The following NPAS3 variants were observed in gnomAD, a reference collection of about 807,000 sequenced individuals.
NPAS3 encodes neuronal PAS domain-containing protein 3.
In NPAS3, 14 loss-of-function variants were observed where a neutral mutation model predicts 73.1. The ratio of observed to expected loss-of-function variants is 0.19; its 90% CI spans 0.13 to 0.30. NPAS3 has a LOEUF of 0.30. NPAS3 is among the 10% of genes least tolerant of loss of function. The pLI is 1.00. For missense variants in NPAS3, 1,096 were observed against 1,250.0 expected (o/e 0.88, Z 1.86); for synonymous variants, 620 against 541.5 (o/e 1.14, Z -2.01).
chr14:33,277,329 T>A (rs575351988), intron 3 of NPAS3, among the ~76,000 whole-genome samples: 1 of 152,296 alleles, frequency 6.6e-6, no homozygotes, highest in South Asian at 2.1e-4. Context: ...GGCTACCATA[T>A]GCAGTTCACT....
chr14:33,367,005 A>G (rs2045874196), intron 3 of NPAS3, among the ~76,000 whole-genome samples, 181 bp from the exon 4 acceptor site: 1 of 152,082 alleles, frequency 6.6e-6, no homozygotes, highest in Non-Finnish European at 1.5e-5. Context: ...TAGGTTGAAA[A>G]TTCAACCTAG....
chr14:33,053,886 T>C (rs560923917), intron 1 of NPAS3, among the ~76,000 whole-genome samples: 1 of 152,356 alleles, frequency 6.6e-6, no homozygotes, highest in African/African-American at 2.4e-5. Context: ...CTTTAACTGC[T>C]TCAAATTGTT....
chr14:33,565,954 C>G (rs2055908971), intron 5 of NPAS3, among the ~76,000 whole-genome samples: 1 of 152,004 alleles, frequency 6.6e-6, no homozygotes, highest in East Asian at 1.9e-4. Context: ...CCCTGCCACC[C>G]CAACCAGCAA....
chr14:33,051,687 CAA>C (rs1161558986), intron 1 of NPAS3, among the ~76,000 whole-genome samples: 1 of 152,126 alleles, frequency 6.6e-6, no homozygotes, highest in Non-Finnish European at 1.5e-5. Flanking sequence ...TTCAAACCCT[CAA>C]AGAGGTGAAA....
chr14:33,485,238 A>C (rs2051527155), intron 4 of NPAS3, among the ~76,000 whole-genome samples: 1 of 152,134 alleles, frequency 6.6e-6, no homozygotes, highest in Non-Finnish European at 1.5e-5. Context: ...CCAAATTATC[A>C]CCAAGAATCC....
At chr14:33,727,392 T>C (rs569829677) in intron 6 of NPAS3, among the ~76,000 whole-genome samples, 2 of 152,092 alleles carry the variant, frequency 1.3e-5, no homozygotes, top group East Asian at 3.9e-4. Flanking sequence ...TAGAAAAAAA[T>C]ATATTTGTAG....
chr14:33,298,203 A>T (rs1164587064), intron 3 of NPAS3, among the ~76,000 whole-genome samples: 1 of 152,176 alleles, frequency 6.6e-6, no homozygotes, highest in Non-Finnish European at 1.5e-5. Context: ...GAATGGCTGG[A>T]ACCGAGGAGG....
intron 1 of NPAS3, among the ~76,000 whole-genome samples, chr14:33,002,773 G>A (rs928359423): frequency 6.6e-6 from 1 of 152,210 alleles, no homozygotes; most frequent in Non-Finnish European, 1.5e-5. Context: ...TTTAATAGAT[G>A]TTCAGGTTTA....
At chr14:33,754,543 G>C (rs1287345175) in intron 7 of NPAS3, among the ~76,000 whole-genome samples, 1 of 152,126 alleles carries the variant, frequency 6.6e-6, no homozygotes, top group Non-Finnish European at 1.5e-5. Context: ...TGGTCAGAGG[G>C]AGACCATGGC....
rs1325282410 is a variant in NPAS3, at chr14:33,784,741, A to ATTTTTT, written c.1153+6172_1153+6173insTTTTTT. Among the ~76,000 whole-genome samples, 36 of 72,756 alleles carry ATTTTTT rather than the reference A, an allele frequency of 4.9e-4. 1 individual carries two copies. The highest frequency in any genetic ancestry group is 1.7e-3 in the East Asian group (4 of 2,342). The allele number at this position is 72,756 out of a possible 152,430, so 47.7% of individuals were successfully genotyped here. ...GTTATTTTTATTTATTTATTTATTT[A>ATTTTTT]TTTATTTTTTTTTTTTTTTTTTTTT... On this transcript the variant is annotated intron_variant, in intron 9 of 11. Transcript: ENST00000356141.
chr14:33,579,595 G>T (rs2056582783), intron 5 of NPAS3, among the ~76,000 whole-genome samples: 1 of 152,070 alleles, frequency 6.6e-6, no homozygotes, highest in African/African-American at 2.4e-5. Context: ...AGTAACGATA[G>T]AATTGTCCTC....
intron 2 of NPAS3, among the ~76,000 whole-genome samples, chr14:33,161,366 A>T (rs1190748667): frequency 6.6e-6 from 1 of 152,238 alleles, no homozygotes; most frequent in African/African-American, 2.4e-5. Flanking sequence ...ATAGATGTAG[A>T]GAGCAAGAAT....
At chr14:33,406,371 T>C (rs1037931440) in intron 4 of NPAS3, among the ~76,000 whole-genome samples, 2 of 152,068 alleles carry the variant, frequency 1.3e-5, no homozygotes, top group African/African-American at 4.8e-5. Context: ...TGCAGGGTTA[T>C]CAAAAGCAAA....
intron 9 of NPAS3, among the ~76,000 whole-genome samples, chr14:33,791,742 G>A (rs551223404): frequency 6.6e-6 from 1 of 152,268 alleles, no homozygotes; most frequent in African/African-American, 2.4e-5. Context: ...GTAAAGTGGA[G>A]ATAATTCTTT....
At chr14:33,047,435 A>AG (rs957277347) in intron 1 of NPAS3, among the ~76,000 whole-genome samples, 2 of 152,202 alleles carry the variant, frequency 1.3e-5, no homozygotes, top group Non-Finnish European at 2.9e-5. Flanking sequence ...CCCTGATATC[A>AG]GGGGATAGAA....
intron 4 of NPAS3, among the ~76,000 whole-genome samples, chr14:33,499,686 T>C (rs2052414908): frequency 6.6e-6 from 1 of 151,946 alleles, no homozygotes; most frequent in Non-Finnish European, 1.5e-5. Context: ...GGGACAATTA[T>C]AATAGAAACC....
In NPAS3 at chr14:33,714,466, T is replaced by TACACCAAGTACACCAAGTACACC. The variant is rs1400455701; in HGVS notation, c.734-20748_734-20747insACACCAAGTACACCAAGTACACC. On this transcript the variant is annotated intron_variant, in intron 6 of 11. Transcript: ENST00000356141. ...CCATGATGGCTTACACCAATTACGATCCATACTTGGGGGTGAACTTGCTTT... is the reference window on the plus strand; with the variant it reads ...CCATGATGGCTTACACCAATTACGATACACCAAGTACACCAAGTACACCCCATACTTGGGGGTGAACTTGCTTT... Among the ~76,000 whole-genome samples, 26 of 152,202 alleles carry TACACCAAGTACACCAAGTACACC rather than the reference T, an allele frequency of 1.7e-4. 1 individual carries two copies. The East Asian group carries it at 1.7e-3, about 10-fold the overall frequency.
intron 1 of NPAS3, 65 bp from the exon 2 acceptor site, chr14:33,055,840 T>C: frequency 1.3e-6 from 1 of 749,330 alleles, no homozygotes; most frequent in East Asian, 2.7e-5. Context: ...ATACTTGTTA[T>C]CCTGCATTCC....
chr14:33,722,443 G>A (rs2061141463), intron 6 of NPAS3, among the ~76,000 whole-genome samples: 1 of 152,064 alleles, frequency 6.6e-6, no homozygotes, highest in Non-Finnish European at 1.5e-5. Context: ...CCCTCCACTT[G>A]GGAAGATTAT....
Sources: gnomAD v4.1 joint callset for allele counts (sites outside exome capture counted in the v4.1 genomes callset) on GRCh38, gnomAD v4.1.1 for gene constraint, MANE v1.5 for transcripts, NCBI Gene and HGNC (gene_info 2026-07-23, HGNC 2026-07-21) for gene names.